LAMA5: variants seen among roughly 807,000 people sequenced by gnomAD.
The protein encoded by LAMA5 is laminin subunit alpha-5.
A neutral mutation model predicts 433.4 loss-of-function variants in LAMA5; 260 were observed. The observed-to-expected ratio is 0.60, with a 90% confidence interval of 0.54 to 0.66. The LOEUF is 0.66. Among genes scored for constraint, LAMA5 ranks in the 30% least tolerant of loss-of-function variants. The pLI is 0.00. For synonymous variants in LAMA5, 2,620 were observed against 2,226.6 expected (o/e 1.18, Z -4.97); for missense variants, 5,378 against 5,258.5 (o/e 1.02, Z -0.70).
chr20:62,332,502 C>T (rs778827403), intron 27 of LAMA5, 22 bp from the exon 28 acceptor site: 1 of 1,610,450 alleles, frequency 6.2e-7, no homozygotes, highest in Non-Finnish European at 8.5e-7. Flanking sequence ...GGGTGGTCAG[C>T]AGGTGGGGCA....
rs367686002 is a variant in LAMA5, at chr20:62,318,576, G to C, written c.7117C>G (p.Arg2373Gly). Residue 2373 changes from arginine (R) to glycine (G), a missense_variant, in exon 53 of 80, where the codon CGG becomes GGG. Physicochemically the swap from Arg to Gly is moderately radical, Grantham distance 125 (BLOSUM62 -2). Coordinates refer to ENST00000252999, the MANE Select transcript of LAMA5 (RefSeq NM_005560.6). ...AGGCCGGCCTCGTGCTGGGCCAGCC[G>C]GTCGCGGGTTTGTGTGGCCAGTGCC... ...NQALATQTRDRLAQHEAGLMD... is the reference protein window; with the variant it reads ...NQALATQTRDGLAQHEAGLMD... 5 of 1,610,492 alleles carry C rather than the reference G, an allele frequency of 3.1e-6. No homozygotes were observed. The highest frequency in any genetic ancestry group is 1.7e-5 in the Admixed American group (1 of 59,884).
intron 35 of LAMA5, 64 bp downstream of exon 35, chr20:62,328,177 G>A (rs1049733132): frequency 2.0e-6 from 3 of 1,519,844 alleles, no homozygotes; most frequent in Admixed American, 4.0e-5. Context: ...AGGACCCTCT[G>A]GCTAGAGGAA....
At position 62,330,948 on chromosome 20, in the gene LAMA5, G is replaced by T; in HGVS notation, c.3651-4C>A. 6.4e-7 allele frequency: 1 copy of T among 1,554,142 alleles called. No individual in the cohort carries two copies. The highest frequency in any genetic ancestry group is 1.2e-5 in the South Asian group (1 of 84,804). ...GCGCGAGGGCAGACAGGCGGCACTG[G>T]TGAGAGCACAGTGGGTGAGTCAGAG... On this transcript the variant is annotated splice_region_variant and splice_polypyrimidine_tract_variant and intron_variant, in intron 29 of 79. Transcript: ENST00000252999.
intron 79 of LAMA5, 97 bp downstream of exon 79, chr20:62,309,619 G>GGGGGCAGGGGGAGGAGGGTGGGAC: frequency 4.0e-6 from 2 of 502,900 alleles, no homozygotes; most frequent in African/African-American, 5.0e-5. Flanking sequence ...GAGGGTGGGA[G>GGGGGCAGGGGGAGGAGGGTGGGAC]GGGGCAGGGG....
chr20:62,323,388 GCCCAGCAGGC>G (rs1978671816), intron 45 of LAMA5, 58 bp downstream of exon 45: 1 of 1,282,952 alleles, frequency 7.8e-7, no homozygotes, highest in African/African-American at 1.5e-5. Flanking sequence ...TACGGGGTAC[GCCCAGCAGGC>G]CTCCCTCCTC....
intron 41 of LAMA5, chr20:62,325,006 T>G: frequency 5.6e-6 from 2 of 356,254 alleles, no homozygotes; most frequent in Non-Finnish European, 5.2e-6. Context: ...GACGCCAGGA[T>G]GGTCGGTGGG....
At chr20:62,318,387 G>A (rs1987282247) in intron 53 of LAMA5, 67 bp downstream of exon 53, 4 of 1,252,574 alleles carry the variant, frequency 3.2e-6, no homozygotes, top group Non-Finnish European at 3.4e-6. Flanking sequence ...AGGAGCCGGA[G>A]AGGAGAGGGA....
chr20:62,345,967 G>T, intron 10 of LAMA5, 90 bp from the exon 11 acceptor site: 1 of 1,572,448 alleles, frequency 6.4e-7, no homozygotes, highest in Non-Finnish European at 8.7e-7. Flanking sequence ...CAGCACAATC[G>T]GAGATGCAGG....
rs1985745528 is a variant in LAMA5 at position 62,359,686 on chromosome 20, C to T, written c.450+2714G>A. ...CAGCGCTGGAGCCTCTTCCTGAGGC[C>T]CCACCCTTGGAGAGAGAACCCCTCC... On this transcript the variant is annotated intron_variant, in intron 2 of 79. Coordinates refer to ENST00000252999, the MANE Select transcript of LAMA5 (RefSeq NM_005560.6). The surrounding 1 kb of genome is among the most constrained non-coding windows in gnomAD (Gnocchi z 4.3). 6.6e-6 allele frequency among the ~76,000 whole-genome samples: 1 copy of T among 151,998 alleles called. No homozygotes were observed. Among genetic ancestry groups the T allele is most frequent in the African/African-American group, 2.4e-5 (1 of 41,376 alleles).
chr20:62,330,874 G>T lies in LAMA5; in HGVS notation c.3721C>A (p.Pro1241Thr). Residue 1241 changes from proline (P) to threonine (T), a missense_variant, in exon 30 of 80, where the codon CCG becomes ACG. Physicochemically the swap from Pro to Thr is conservative, Grantham distance 38. Transcript: ENST00000252999. Reference protein sequence around the residue: ...PIILRDCQVIPLPPGLPLTHA... With the variant: ...PIILRDCQVITLPPGLPLTHA... The stretch of plus-strand genomic sequence containing the variant: ...GTCAGCGGGAGGCCGGGCGGCAGCG[G>T]GATCACCTGGCAGTCCCTGAGGATG... 3.9e-6 allele frequency: 6 copies of T among 1,541,794 alleles called. No homozygotes were observed. Among genetic ancestry groups the T allele is most frequent in the Non-Finnish European group, 5.2e-6 (6 of 1,143,890 alleles).
chr20:62,346,488 C>A lies in LAMA5; in HGVS notation c.1282+18G>T, dbSNP rs1326054287. ...AGACCCTGAGACCCAGGACACCCGC[C>A]CAGCTGAGCCCACTCACGGCGGCAG... is the stretch of plus-strand genomic sequence containing the variant. On this transcript the variant is annotated intron_variant, in intron 9 of 79. Coordinates refer to ENST00000252999, the MANE Select transcript of LAMA5 (RefSeq NM_005560.6). 1 of 1,548,994 alleles carries A rather than the reference C, an allele frequency of 6.5e-7. No individual in the cohort carries two copies. The highest frequency in any genetic ancestry group is 8.7e-7 in the Non-Finnish European group (1 of 1,145,514).
chr20:62,343,181 C>T (rs1982856339), intron 11 of LAMA5, among the ~76,000 whole-genome samples: 1 of 152,174 alleles, frequency 6.6e-6, no homozygotes, highest in African/African-American at 2.4e-5. Flanking sequence ...CCCACAGGGA[C>T]CACACGGCCC....
chr20:62,340,158 T>C (rs1461930322), intron 11 of LAMA5, among the ~76,000 whole-genome samples: 1 of 151,752 alleles, frequency 6.6e-6, no homozygotes, highest in Non-Finnish European at 1.5e-5. Context: ...CTAAAACTAT[T>C]AAAATGGCAA....
At chr20:62,309,505 T>A in intron 79 of LAMA5, 30 bp from the exon 80 acceptor site, 3 of 1,549,360 alleles carry the variant, frequency 1.9e-6, no homozygotes, top group Non-Finnish European at 2.6e-6. Flanking sequence ...GGAAGAAGGC[T>A]GGTTGGTGGG....
intron 63 of LAMA5, 54 bp from the exon 64 acceptor site, chr20:62,313,514 G>A (rs906938081): frequency 2.2e-5 from 35 of 1,561,164 alleles, no homozygotes; most frequent in African/African-American, 5.4e-5. Context: ...TCCCCTCCAG[G>A]ATGGACCAAG....
In LAMA5 at chr20:62,332,663, C is replaced by T. The variant is rs749339425; in HGVS notation, c.3337G>A (p.Val1113Met). Residue 1113 changes from valine (V) to methionine (M), a missense_variant, in exon 27 of 80, where the codon GTG (valine) becomes ATG (methionine). Coordinates refer to ENST00000252999, the MANE Select transcript of LAMA5 (RefSeq NM_005560.6). ...CGGGCATCCTCATTGGCGTACTCCA[C>T]CACTAGGGCATAGCGGCCTGGCTGT... ...VPQPGRYALV[V>M]EYANEDARQE... is the part of the protein sequence containing the mutation. 3.1e-5 allele frequency: 50 copies of T among 1,610,964 alleles called. No homozygotes were observed. The highest frequency in any genetic ancestry group is 4.1e-5 in the Non-Finnish European group (48 of 1,179,240).
In LAMA5 at chr20:62,346,082, G is replaced by A. The variant is rs1983315753; in HGVS notation, c.1416C>T (p.Tyr472=). The part of the protein sequence containing the change: ...AEGFTGFPSC[Y]PTPSSSNDTR... ...TGGATGCCCCTGGCAGGTGCTCACG[G>A]TAGCAGCTTGGGAAGCCCGTGAAGC... Residue 472 remains tyrosine (Y), a splice_region_variant and synonymous_variant, in exon 10 of 80, where the codon TAC becomes TAT. Coordinates refer to ENST00000252999, the MANE Select transcript of LAMA5 (RefSeq NM_005560.6). 11 of 1,612,854 alleles carry A rather than the reference G, an allele frequency of 6.8e-6. No individual in the cohort carries two copies. Among genetic ancestry groups the A allele is most frequent in the Admixed American group, 1.7e-5 (1 of 59,994 alleles).
Position 62,327,949 on chromosome 20 carries a change from G to A in LAMA5, c.4714C>T (p.Pro1572Ser). 1 of 1,612,532 alleles carries A rather than the reference G, an allele frequency of 6.2e-7. No homozygotes were observed. Among genetic ancestry groups the A allele is most frequent in the East Asian group, 2.2e-5 (1 of 44,864 alleles). The change falls in exon 36 of 80, where the codon CCC becomes TCC. Residue 1572 changes from proline (P) to serine (S), a missense_variant. Transcript: ENST00000252999. ...DTCSPGFHGY[P>S]RCRPCDCHEA... ...TGACAGTCACAGGGGCGGCAGCGGG[G>A]GTAGCCATGGAAGCCCGGAGAGCAG... is the stretch of plus-strand genomic sequence containing the variant.
rs1337853002 is a variant in LAMA5, at chr20:62,354,648, G to GGTCCC, written c.451-1398_451-1397insGGGAC. The stretch of plus-strand genomic sequence containing the variant: ...AGCAGGGGGGGTCCCGAGGCACACA[G>GGTCCC]GAGGGGGCGGTGCCCAAGCAGCACC... On this transcript the variant is annotated intron_variant, in intron 2 of 79. Coordinates refer to ENST00000252999, the MANE Select transcript of LAMA5 (RefSeq NM_005560.6). Among the ~76,000 whole-genome samples the GGTCCC allele has an allele frequency of 4.6e-5, 7 of 152,268 alleles. No individual in the cohort carries two copies. The East Asian group carries it at 1.4e-3, about 30-fold the overall frequency.
Sources: gnomAD v4.1 joint callset for allele counts (sites outside exome capture counted in the v4.1 genomes callset) on GRCh38, gnomAD v4.1.1 for gene constraint, Gnocchi (gnomAD v3.1) non-coding constraint, MANE v1.5 for transcripts, NCBI Gene and HGNC (gene_info 2026-07-23, HGNC 2026-07-21) for gene names.